ZC3H13: variants seen among roughly 807,000 people sequenced by gnomAD.
The protein encoded by ZC3H13 is zinc finger CCCH-type containing 13.
A neutral mutation model predicts 204.1 loss-of-function variants in ZC3H13; 64 were observed. The ratio of observed to expected loss-of-function variants is 0.31; its 90% CI spans 0.26 to 0.39. The LOEUF (loss-of-function observed/expected upper bound fraction) is 0.39, where lower values mean the gene tolerates loss of function less well. Ranked by LOEUF, ZC3H13 falls within the 10% of genes least tolerant of loss-of-function variation. The pLI, the probability that ZC3H13 is intolerant of heterozygous loss-of-function variation, is 1.00. For synonymous variants in ZC3H13, 667 were observed against 693.7 expected, an observed-to-expected ratio of 0.96 and a Z score of 0.60; for missense variants, 1,833 against 2,082.7, an observed-to-expected ratio of 0.88 and a Z score of 2.33.
rs1199397811 is a variant in ZC3H13 at position 45,969,928 on chromosome 13, T to G, written c.2616A>C (p.Glu872Asp). Residue 872 changes from glutamate (E) to aspartate (D), a missense_variant, in exon 14 of 19, where the codon GAA (glutamate) becomes GAC (aspartate). Around this residue, in one of 5 missense-constraint regions of ZC3H13, gnomAD observed 1,574 missense variants for 1,757.2 expected, o/e 0.90. Coordinates refer to ENST00000679008, the MANE Select transcript of ZC3H13 (RefSeq NM_001330564.2). ...RLLSQVVRPQ[E>D]SRSLSPSHLT... Reference sequence around the variant, plus strand: ...GGTGCGAGGGACTAAGAGAACGAGATTCTTGAGGTCGTACAACTTGGCTCA... The same window carrying G: ...GGTGCGAGGGACTAAGAGAACGAGAGTCTTGAGGTCGTACAACTTGGCTCA... 6 of 1,613,152 alleles carry G rather than the reference T, an allele frequency of 3.7e-6. No individual in the cohort carries two copies. The highest frequency in any genetic ancestry group is 5.1e-6 in the Non-Finnish European group (6 of 1,179,914).
At chr13:45,986,970 G>T (rs1954251935) in intron 9 of ZC3H13, among the ~76,000 whole-genome samples, 1 of 152,068 alleles carries the variant, frequency 6.6e-6, no homozygotes, top group South Asian at 2.1e-4. Context: ...AAGGACAAAG[G>T]CAAGAGGCAA....
intron 15 of ZC3H13, among the ~76,000 whole-genome samples, chr13:45,967,215 GGT>G (rs1371436845): frequency 2.6e-5 from 4 of 151,990 alleles, no homozygotes; most frequent in Non-Finnish European, 5.9e-5. Context: ...AGGATGTGAT[GGT>G]TATTCTTCAA....
At chr13:46,041,693 C>T (rs1485705355) in intron 4 of ZC3H13, among the ~76,000 whole-genome samples, 3 of 152,142 alleles carry the variant, frequency 2.0e-5, no homozygotes, top group Admixed American at 6.5e-5. Context: ...TCACTGCCAA[C>T]AAATTCACAG....
At chr13:45,984,663 G>C (rs960936618) in intron 10 of ZC3H13, among the ~76,000 whole-genome samples, 2 of 152,156 alleles carry the variant, frequency 1.3e-5, no homozygotes, top group Non-Finnish European at 2.9e-5. Flanking sequence ...CAGACCAATG[G>C]AAAGAATAAA....
intron 5 of ZC3H13, among the ~76,000 whole-genome samples, chr13:46,018,328 T>G (rs1014304105): frequency 6.6e-6 from 1 of 152,110 alleles, no homozygotes; most frequent in African/African-American, 2.4e-5. Flanking sequence ...CAGTATCAAG[T>G]AGAAACAGTA....
chr13:46,036,207 G>A (rs898210697), intron 4 of ZC3H13, among the ~76,000 whole-genome samples: 6 of 151,474 alleles, frequency 4.0e-5, no homozygotes, highest in Non-Finnish European at 7.4e-5. Flanking sequence ...GAGAACTGAG[G>A]AGGCAACTGT....
In ZC3H13 at chr13:45,970,056, C is replaced by T. The variant is rs1251183901; in HGVS notation, c.2573-85G>A. 3.4e-6 allele frequency: 5 copies of T among 1,476,000 alleles called. No individual in the cohort carries two copies. The African/African-American group carries it at 7.1e-5, about 21-fold the overall frequency. 91.4% of individuals were successfully genotyped at this position (1,476,000 alleles called of 1,614,324 possible). A position where few individuals can be genotyped will look rare whatever the true frequency, so the allele number is the denominator to read the frequency against. On this transcript the variant is annotated intron_variant, in intron 13 of 18. Transcript: ENST00000679008. The stretch of plus-strand genomic sequence containing the variant: ...TATAGATTATAATAATTTCTCCTCA[C>T]ACCTGTAATCCCAGGACTTTGGGAG...
rs1244598883 is a variant in ZC3H13 at position 45,969,719 on chromosome 13, T to A, written c.2825A>T (p.Gln942Leu). The change falls in exon 14 of 19, where the codon CAG becomes CTG. Residue 942 changes from glutamine to leucine, a missense_variant. Physicochemically the swap from Gln to Leu is moderately radical, Grantham distance 113. Around this residue, in one of 5 missense-constraint regions of ZC3H13, gnomAD observed 1,574 missense variants for 1,757.2 expected, o/e 0.90. Coordinates refer to ENST00000679008, the MANE Select transcript of ZC3H13 (RefSeq NM_001330564.2). Reference sequence around the variant, plus strand: ...ATCAGATGTCTCTCGATCTTCAGACTGGTGGTGTCCTATAATGTCCTGTGC... The same window carrying A: ...ATCAGATGTCTCTCGATCTTCAGACAGGTGGTGTCCTATAATGTCCTGTGC... ...MRAQDIIGHH[Q>L]SEDRETSDRA... is the part of the protein sequence containing the mutation. 3.7e-6 allele frequency: 6 copies of A among 1,613,892 alleles called. No individual in the cohort carries two copies. The South Asian group carries it at 6.6e-5, about 18-fold the overall frequency.
intron 5 of ZC3H13, among the ~76,000 whole-genome samples, chr13:46,018,437 A>G (rs1566297134): frequency 3.9e-5 from 6 of 152,176 alleles, no homozygotes; most frequent in Admixed American, 3.3e-4. Context: ...TGTTAAAGAT[A>G]TAGAAGAGAG....
chr13:45,966,825 G>A (rs1952129994), intron 15 of ZC3H13, among the ~76,000 whole-genome samples: 1 of 152,126 alleles, frequency 6.6e-6, no homozygotes, highest in Admixed American at 6.6e-5. Context: ...GAGTAAGAAA[G>A]ATGAGATAAA....
chr13:45,992,560 T>C (rs938180354), intron 8 of ZC3H13, among the ~76,000 whole-genome samples: 1 of 152,244 alleles, frequency 6.6e-6, no homozygotes, highest in African/African-American at 2.4e-5. Context: ...ATTTATATCC[T>C]ACTGCTCAAG....
chr13:45,971,387 A>G (rs1197638097), intron 12 of ZC3H13, among the ~76,000 whole-genome samples: 1 of 152,222 alleles, frequency 6.6e-6, no homozygotes, highest in Non-Finnish European at 1.5e-5. Context: ...AATGATCTTC[A>G]GCAAAAGCAT....
At chr13:45,997,843 CA>C (rs2040449998) in intron 8 of ZC3H13, among the ~76,000 whole-genome samples, 1 of 151,964 alleles carries the variant, frequency 6.6e-6, no homozygotes, top group South Asian at 2.1e-4. Flanking sequence ...AAAACAAACC[CA>C]AAGCCAAAAC....
Position 46,045,438 on chromosome 13 carries a change from G to T in ZC3H13, c.70C>A (p.Pro24Thr). Residue 24 changes from proline (P) to threonine (T), a missense_variant, in exon 2 of 19, where the codon CCC (proline) becomes ACC (threonine). Pro to Thr is a conservative substitution (Grantham distance 38). Transcript: ENST00000679008. ...GGTCCAAGCCTCTCAAATACACTGG[G>T]TCTTCGGGATGTGCTATCAGATATA... ...KTISDSTSRR[P>T]SVFERLGPST... 1 of 1,614,016 alleles carries T rather than the reference G, an allele frequency of 6.2e-7. No individual in the cohort carries two copies.
chr13:45,988,692 G>C, intron 9 of ZC3H13, 95 bp downstream of exon 9: 1 of 1,378,510 alleles, frequency 7.3e-7, no homozygotes, highest in Non-Finnish European at 9.8e-7. Flanking sequence ...TGTTACAGAA[G>C]ACTTAACATA....
At chr13:46,035,933 A>T (rs2139056446) in intron 4 of ZC3H13, among the ~76,000 whole-genome samples, 3 of 152,294 alleles carry the variant, frequency 2.0e-5, no homozygotes, top group African/African-American at 7.2e-5. Flanking sequence ...CCCTTCCTCT[A>T]GAGTCAGTGC....
intron 12 of ZC3H13, among the ~76,000 whole-genome samples, chr13:45,974,409 C>T (rs1952840620): frequency 6.6e-6 from 1 of 152,308 alleles, no homozygotes; most frequent in African/African-American, 2.4e-5. Context: ...GAGATGGAAA[C>T]TGCTAATGCT....
chr13:46,022,014 T>C (rs1257244601), intron 4 of ZC3H13, among the ~76,000 whole-genome samples: 5 of 151,924 alleles, frequency 3.3e-5, no homozygotes, highest in Non-Finnish European at 7.4e-5. Flanking sequence ...GCAAGTCTAG[T>C]TAAAAAGGGT....
chr13:45,976,198 C>G (rs1310192081), intron 11 of ZC3H13: 2 of 984,980 alleles, frequency 2.0e-6, no homozygotes, highest in Non-Finnish European at 2.4e-6. Context: ...TCTTCTCTGT[C>G]CCCCCAGCAG....
Sources: gnomAD v4.1 joint callset for allele counts (sites outside exome capture counted in the v4.1 genomes callset) on GRCh38, gnomAD v4.1.1 for gene constraint, gnomAD v4.1.1 regional missense constraint, MANE v1.5 for transcripts, NCBI Gene and HGNC (gene_info 2026-07-23, HGNC 2026-07-21) for gene names.